Variants in LTBP2 observed in about 807,000 individuals in gnomAD.
LTBP2 encodes the protein latent transforming growth factor beta binding protein 2, also known as latent-transforming growth factor beta-binding protein 2.
Under a neutral mutation model 210.6 loss-of-function variants are expected in LTBP2, and 103 were observed. The ratio of observed to expected loss-of-function variants is 0.49; its 90% CI spans 0.42 to 0.58. LTBP2 has a LOEUF of 0.58. LTBP2 is among the 20% of genes least tolerant of loss of function. The probability of loss-of-function intolerance (pLI) is 0.00; values close to 1 mark genes in which losing one functional copy is unlikely to be tolerated. For synonymous variants in LTBP2, 1,007 were observed against 1,015.0 expected, an observed-to-expected ratio of 0.99 and a Z score of 0.15; for missense variants, 2,313 against 2,494.5, an observed-to-expected ratio of 0.93 and a Z score of 1.55.
At chr14:74,505,939 C>T in intron 28 of LTBP2, 109 bp downstream of exon 28, 1 of 1,481,548 alleles carries the variant, frequency 6.7e-7, no homozygotes, top group Non-Finnish European at 9.3e-7. Context: ...TGCCCCAGGC[C>T]CTGGCCCAGT....
chr14:74,502,868 C>G lies in LTBP2; in HGVS notation c.4955G>C (p.Arg1652Pro), dbSNP rs773510546. 5.0e-6 allele frequency: 8 copies of G among 1,613,828 alleles called. No individual in the cohort carries two copies. The highest frequency in any genetic ancestry group is 6.8e-6 in the Non-Finnish European group (8 of 1,180,038). ...EAEREAGVHF[R>P]PGYEYGPGPD... is the part of the protein sequence containing the mutation. The stretch of plus-strand genomic sequence containing the variant: ...CCCGGGGCCATACTCATAGCCTGGC[C>G]GGAAGTGGACCCCGGCCTCCCGCTC... Residue 1652 changes from arginine to proline, a missense_variant, in exon 34 of 36, where the codon CGG becomes CCG. By Grantham distance (103) the Arg-to-Pro change is moderately radical. This residue lies in a region of LTBP2 where 443 missense variants were observed against 501.4 expected (regional missense o/e 0.88). Coordinates refer to ENST00000261978, the MANE Select transcript of LTBP2 (RefSeq NM_000428.3).
intron 3 of LTBP2, among the ~76,000 whole-genome samples, chr14:74,564,738 G>A (rs1343015907): frequency 6.6e-6 from 1 of 151,792 alleles, no homozygotes; most frequent in African/African-American, 2.4e-5. Flanking sequence ...TGCCAATAAC[G>A]CCCATTACGT....
chr14:74,605,289 G>A (rs559802980), intron 1 of LTBP2, among the ~76,000 whole-genome samples: 13 of 152,344 alleles, frequency 8.5e-5, no homozygotes, highest in Non-Finnish European at 1.6e-4. Context: ...TTGAAAAAGC[G>A]GAGGCCCATT....
intron 3 of LTBP2, among the ~76,000 whole-genome samples, chr14:74,566,299 G>A (rs1325409951): frequency 1.3e-5 from 2 of 152,202 alleles, no homozygotes; most frequent in Non-Finnish European, 2.9e-5. Flanking sequence ...CAGACAGAGG[G>A]AGAGGCTCTG....
rs560071689 is a variant in LTBP2 at position 74,500,185 on chromosome 14, TTCA to T, written c.*696_*698del. The T allele has an allele frequency of 1.6e-4, 37 of 234,640 alleles. No individual in the cohort carries two copies. The highest frequency in any genetic ancestry group is 2.8e-4 in the Non-Finnish European group (33 of 119,090). 14.5% of individuals were successfully genotyped at this position (234,640 alleles called of 1,614,324 possible). On this transcript the variant is annotated 3_prime_UTR_variant, in exon 36 of 36. Coordinates refer to ENST00000261978, the MANE Select transcript of LTBP2 (RefSeq NM_000428.3). ...CCTTTCTCATCAACTCCACGTATTT[TTCA>T]TCATGTCCTCTTGCTGCTTTCTCAG...
At chr14:74,508,223 C>T (rs947217594) in intron 24 of LTBP2, 128 bp from the exon 25 acceptor site, 57 of 1,225,706 alleles carry the variant, frequency 4.7e-5, no homozygotes, top group African/African-American at 4.3e-4. Context: ...GGAAAAGGCT[C>T]GAAGCCAGAG....
Position 74,564,074 on chromosome 14 carries a change from TTTA to T in LTBP2, c.831-8384_831-8382del, listed in dbSNP as rs1397473825. On this transcript the variant is annotated intron_variant, in intron 3 of 35. Transcript: ENST00000261978. ...TTATATATATATTTATATATATATATTTATATATATATTTATATATATATTTAT... is the reference window on the plus strand; with the variant it reads ...TTATATATATATTTATATATATATATTATATATATTTATATATATATTTAT... Among the ~76,000 whole-genome samples, 106 of 40,710 alleles carry T rather than the reference TTTA, an allele frequency of 2.6e-3. 1 individual carries two copies. The highest frequency in any genetic ancestry group is 5.4e-3 in the African/African-American group (51 of 9,488). 26.7% of individuals were successfully genotyped at this position (40,710 alleles called of 152,430 possible). A position where few individuals can be genotyped will look rare whatever the true frequency, so the allele number is the denominator to read the frequency against.
At chr14:74,605,255 G>T (rs1194925269) in intron 1 of LTBP2, among the ~76,000 whole-genome samples, 1 of 152,218 alleles carries the variant, frequency 6.6e-6, no homozygotes, top group African/African-American at 2.4e-5. Flanking sequence ...GTCTTACGAA[G>T]AATTCAAAAT....
At chr14:74,599,266 G>C (rs1345802404) in intron 2 of LTBP2, among the ~76,000 whole-genome samples, 1 of 152,210 alleles carries the variant, frequency 6.6e-6, no homozygotes, top group South Asian at 2.1e-4. Flanking sequence ...CTTGCTGCTG[G>C]GGGCAGGAGT....
At chr14:74,557,864 T>C (rs1222718177) in intron 3 of LTBP2, among the ~76,000 whole-genome samples, 1 of 152,134 alleles carries the variant, frequency 6.6e-6, no homozygotes, top group African/African-American at 2.4e-5. Context: ...ATCCACAACC[T>C]GTGTCCTGCG....
intron 3 of LTBP2, among the ~76,000 whole-genome samples, chr14:74,583,422 A>G (rs1441054819): frequency 6.6e-6 from 1 of 152,206 alleles, no homozygotes; most frequent in Non-Finnish European, 1.5e-5. Flanking sequence ...CAGCTGGGCC[A>G]GCAGCTGGGC....
chr14:74,593,042 A>G (rs2088304765), intron 2 of LTBP2, among the ~76,000 whole-genome samples: 2 of 152,198 alleles, frequency 1.3e-5, no homozygotes. Flanking sequence ...GCAGGACGCC[A>G]AAAGAGGAAG....
intron 9 of LTBP2, among the ~76,000 whole-genome samples, chr14:74,534,652 C>T (rs996132050): frequency 6.6e-6 from 1 of 152,158 alleles, no homozygotes; most frequent in African/African-American, 2.4e-5. Context: ...TGGGGCAGGA[C>T]TGTCTTCTCC....
chr14:74,503,416 G>A (rs756838768), intron 32 of LTBP2, 30 bp from the exon 33 acceptor site: 5 of 1,609,874 alleles, frequency 3.1e-6, no homozygotes, highest in East Asian at 2.2e-5. Flanking sequence ...AGGCACATGA[G>A]CCCCCCAGCC....
chr14:74,523,349 G>A (rs1383752827), intron 15 of LTBP2, among the ~76,000 whole-genome samples: 1 of 152,130 alleles, frequency 6.6e-6, no homozygotes, highest in Non-Finnish European at 1.5e-5. Context: ...AGGGGAAAAT[G>A]GGAGGGGTGG....
At chr14:74,519,114 A>T (rs559455431) in intron 17 of LTBP2, among the ~76,000 whole-genome samples, 2 of 152,250 alleles carry the variant, frequency 1.3e-5, no homozygotes, top group Non-Finnish European at 2.9e-5. Context: ...CAATTAAGGT[A>T]TAGGAGAATA....
chr14:74,580,177 A>G (rs61980912), intron 3 of LTBP2, among the ~76,000 whole-genome samples: 7,633 of 152,292 alleles, frequency 0.05, 220 homozygotes, highest in East Asian at 0.098. Flanking sequence ...TGTGGTGGAC[A>G]GAGAGGGCCC....
chr14:74,525,986 C>T (rs914630112), intron 14 of LTBP2, 89 bp downstream of exon 14: 3 of 1,374,792 alleles, frequency 2.2e-6, no homozygotes, highest in Non-Finnish European at 3.0e-6. Flanking sequence ...TGAGCGTGAA[C>T]CAGCTCACAC....
At chr14:74,604,677 G>C (rs1190101826) in intron 1 of LTBP2, among the ~76,000 whole-genome samples, 5 of 151,782 alleles carry the variant, frequency 3.3e-5, no homozygotes, top group Non-Finnish European at 7.4e-5. Context: ...TCTTAATAGA[G>C]ATGGGGTTTC....
Sources: gnomAD v4.1 joint callset for allele counts (sites outside exome capture counted in the v4.1 genomes callset) on GRCh38, gnomAD v4.1.1 for gene constraint, gnomAD v4.1.1 regional missense constraint, MANE v1.5 for transcripts, NCBI Gene and HGNC (gene_info 2026-07-23, HGNC 2026-07-21) for gene names.